The following PLA2G4E variants were observed in gnomAD, a reference collection of about 807,000 sequenced individuals.
PLA2G4E encodes cytosolic phospholipase A2 epsilon.
In PLA2G4E, 84 loss-of-function variants were observed where a neutral mutation model predicts 109.1. The observed-to-expected ratio is 0.77, with a 90% confidence interval of 0.65 to 0.92. PLA2G4E has a LOEUF of 0.92. Among genes scored for constraint, PLA2G4E ranks in the 40% least tolerant of loss-of-function variants. The pLI is 0.00. For synonymous variants in PLA2G4E, 469 were observed against 436.1 expected (o/e 1.08, Z -0.94); for missense variants, 1,057 against 1,076.6 (o/e 0.98, Z 0.25).
intron 12 of PLA2G4E, among the ~76,000 whole-genome samples, chr15:41,993,297 G>A (rs12232304): frequency 0.071 from 10,820 of 152,220 alleles, 554 homozygotes; most frequent in South Asian, 0.16. Context: ...CTTAATCACC[G>A]TTCCCTTCAG....
intron 1 of PLA2G4E, among the ~76,000 whole-genome samples, chr15:42,038,254 T>C (rs1889251973): frequency 6.6e-6 from 1 of 152,246 alleles, no homozygotes; most frequent in Admixed American, 6.5e-5. Flanking sequence ...GGGACTGGTT[T>C]TGTAGAAGAC....
rs149759746 is a variant in PLA2G4E, at chr15:42,015,629, G to A, written c.184-1872C>T. Among the ~76,000 whole-genome samples, 86 of 152,352 alleles carry A rather than the reference G, an allele frequency of 5.6e-4. No homozygotes were observed. The East Asian group carries it at 0.014, about 24-fold the overall frequency. On this transcript the variant is annotated intron_variant, in intron 1 of 19. Transcript: ENST00000399518. ...GCTGGGGGGCCAGGGGTGAATACTA[G>A]GCAGAGACAGAGGTTAAAGGCAACA... is the stretch of plus-strand genomic sequence containing the variant.
At chr15:42,032,507 C>T (rs1273522448) in intron 1 of PLA2G4E, among the ~76,000 whole-genome samples, 1 of 152,208 alleles carries the variant, frequency 6.6e-6, no homozygotes. Flanking sequence ...GGCCTTGGCT[C>T]CCTACTGACT....
At chr15:42,025,500 C>A (rs898916388) in intron 1 of PLA2G4E, among the ~76,000 whole-genome samples, 9 of 152,102 alleles carry the variant, frequency 5.9e-5, no homozygotes, top group East Asian at 1.9e-4. Context: ...CCCCACCCCC[C>A]ACTGGAGTCT....
At chr15:41,991,602 C>T (rs979078850) in intron 13 of PLA2G4E, among the ~76,000 whole-genome samples, 8 of 152,094 alleles carry the variant, frequency 5.3e-5, no homozygotes, top group Admixed American at 5.2e-4. Flanking sequence ...CATTTGCCAG[C>T]GCAGTTCCTG....
chr15:42,032,183 C>T (rs913313320), intron 1 of PLA2G4E, among the ~76,000 whole-genome samples: 7 of 152,202 alleles, frequency 4.6e-5, no homozygotes, highest in African/African-American at 1.7e-4. Flanking sequence ...ATGCTTGTAT[C>T]GCCTGCAGAA....
At chr15:41,985,015 C>T (rs2068117177) in intron 18 of PLA2G4E, among the ~76,000 whole-genome samples, 1 of 152,184 alleles carries the variant, frequency 6.6e-6, no homozygotes, top group South Asian at 2.1e-4. Flanking sequence ...AAAGACTCTG[C>T]AAGGGCATCT....
chr15:41,987,477 T>A, intron 16 of PLA2G4E, 102 bp from the exon 17 acceptor site: 1 of 1,103,412 alleles, frequency 9.1e-7, no homozygotes, highest in East Asian at 2.6e-5. Flanking sequence ...GGGTGAGCAC[T>A]GTAAAAGCAG....
In PLA2G4E at chr15:42,003,840, G is replaced by C. The variant is rs540066187; in HGVS notation, c.566+1098C>G. On this transcript the variant is annotated intron_variant, in intron 5 of 19. Coordinates refer to ENST00000399518, the Ensembl canonical transcript of PLA2G4E. ...AAGCTGCCCAGTTACAGGGCACTCTGCCCGGCCTGAGGCGGGGGTTGCCTT... is the reference window on the plus strand; with the variant it reads ...AAGCTGCCCAGTTACAGGGCACTCTCCCCGGCCTGAGGCGGGGGTTGCCTT... Among the ~76,000 whole-genome samples the C allele has an allele frequency of 3.9e-5, 6 of 152,328 alleles. No individual in the cohort carries two copies. In the East Asian group the frequency reaches 1.2e-3, roughly 29 times the overall value.
At chr15:42,010,469 C>T (rs1043697871) in intron 2 of PLA2G4E, among the ~76,000 whole-genome samples, 2 of 152,208 alleles carry the variant, frequency 1.3e-5, no homozygotes, top group African/African-American at 4.8e-5. Flanking sequence ...CAGAGAGCTG[C>T]TTCCCCTGTC....
intron 1 of PLA2G4E, among the ~76,000 whole-genome samples, chr15:42,048,038 C>T (rs56001699): frequency 0.07 from 10,602 of 152,202 alleles, 366 homozygotes; most frequent in South Asian, 0.12. Flanking sequence ...TGCATAATGA[C>T]GGTTTGGTTA....
chr15:41,991,546 C>T (rs1467166855), intron 13 of PLA2G4E, among the ~76,000 whole-genome samples: 4 of 151,942 alleles, frequency 2.6e-5, no homozygotes, highest in East Asian at 1.9e-4. Flanking sequence ...TCAGAAGTGG[C>T]GAGGGCCTGG....
intron 1 of PLA2G4E, among the ~76,000 whole-genome samples, chr15:42,032,892 A>G (rs183798469): frequency 2.6e-5 from 4 of 152,314 alleles, no homozygotes; most frequent in Non-Finnish European, 2.9e-5. Context: ...ACGTGAAAAC[A>G]GAATTTGTGG....
Position 42,004,933 on chromosome 15 carries a change from C to A in PLA2G4E, c.566+5G>T, listed in dbSNP as rs2068459883. The A allele has an allele frequency of 6.2e-7, 1 of 1,613,062 alleles. No individual in the cohort carries two copies. Among genetic ancestry groups the A allele is most frequent in the Non-Finnish European group, 8.5e-7 (1 of 1,179,712 alleles). On this transcript the variant is annotated splice_donor_5th_base_variant and intron_variant, in intron 5 of 19. Transcript: ENST00000399518. Reference sequence around the variant, plus strand: ...TGGTGGGCCCCGGGGCCTGGGCCTACTCACCTCTCCTCCAGCAGGAACTCC... The same window carrying A: ...TGGTGGGCCCCGGGGCCTGGGCCTAATCACCTCTCCTCCAGCAGGAACTCC...
chr15:41,985,653 G>T (rs2068128523), intron 18 of PLA2G4E, among the ~76,000 whole-genome samples, 186 bp downstream of exon 18: 2 of 152,266 alleles, frequency 1.3e-5, no homozygotes, highest in African/African-American at 4.8e-5. Context: ...GTGAGAGCCA[G>T]CTGGCTGCCC....
At chr15:42,000,211 A>T (rs1280117339) in exon 8 of PLA2G4E, 1 of 1,590,030 alleles carries the variant, frequency 6.3e-7, no homozygotes, top group East Asian at 2.3e-5. Flanking sequence ...GTTGGGCAGC[A>T]GGGTTCCAAG....
chr15:41,990,681 A>G (rs2141027648), intron 13 of PLA2G4E, among the ~76,000 whole-genome samples: 1 of 151,566 alleles, frequency 6.6e-6, no homozygotes, highest in South Asian at 2.1e-4. Flanking sequence ...AAGTTGGGGG[A>G]AAAGAAGTTT....
intron 1 of PLA2G4E, among the ~76,000 whole-genome samples, 70 bp from the exon 1 acceptor site, chr15:42,021,112 A>G (rs2068644830): frequency 2.0e-5 from 3 of 152,084 alleles, no homozygotes; most frequent in Admixed American, 1.3e-4. Context: ...ACAGCTTGGC[A>G]GTAGCTGGGA....
chr15:42,002,663 G>T, exon 6 of PLA2G4E: 1 of 1,585,334 alleles, frequency 6.3e-7, no homozygotes. Context: ...CCACCAGCAC[G>T]CCATTGGTGA....
Sources: allele counts gnomAD v4.1 joint callset (sites outside exome capture counted in the v4.1 genomes callset), GRCh38; gene constraint gnomAD v4.1.1; transcripts MANE v1.5; gene names NCBI Gene and HGNC (gene_info 2026-07-23, HGNC 2026-07-21).